The following PLCB1 variants were observed in gnomAD, a reference collection of about 807,000 sequenced individuals.
PLCB1 encodes 1-phosphatidylinositol 4,5-bisphosphate phosphodiesterase beta-1.
PLCB1 carries 46 observed loss-of-function variants against 161.8 expected under a neutral mutation model. The ratio of observed to expected loss-of-function variants is 0.28; its 90% CI spans 0.22 to 0.36. The LOEUF is 0.36. PLCB1 is among the 10% of genes least tolerant of loss of function. The pLI is 1.00. For missense variants in PLCB1, 1,016 were observed against 1,472.5 expected, an observed-to-expected ratio of 0.69 and a Z score of 5.07; for synonymous variants, 517 against 503.7, an observed-to-expected ratio of 1.03 and a Z score of -0.35.
rs112357082 is a variant in PLCB1 at position 8,169,705 on chromosome 20, C to T, written c.177+19334C>T. Among the ~76,000 whole-genome samples, 1,463 of 152,266 alleles carry T rather than the reference C, an allele frequency of 9.6e-3. 13 individuals are homozygous for T. Among genetic ancestry groups the T allele is most frequent in the Non-Finnish European group, 0.015 (1,005 of 68,012 alleles). ...AACTATCTAAGAGTTAGTAGATCCACTCAGACTCCCAGGAACTTGGAGTGC... is the reference window on the plus strand; with the variant it reads ...AACTATCTAAGAGTTAGTAGATCCATTCAGACTCCCAGGAACTTGGAGTGC... On this transcript the variant is annotated intron_variant, in intron 2 of 31. Coordinates refer to ENST00000338037, the MANE Select transcript of PLCB1 (RefSeq NM_015192.4).
intron 3 of PLCB1, among the ~76,000 whole-genome samples, chr20:8,607,542 C>G (rs868336423): frequency 6.6e-6 from 1 of 152,186 alleles, no homozygotes; most frequent in African/African-American, 2.4e-5. Context: ...GTTCCCACCC[C>G]AAGGTATCAG....
chr20:8,664,277 A>G (rs1330222037), intron 9 of PLCB1, among the ~76,000 whole-genome samples: 1 of 152,176 alleles, frequency 6.6e-6, no homozygotes, highest in Non-Finnish European at 1.5e-5. Context: ...ATGAAGCTCT[A>G]TAATCCCTTT....
In PLCB1 at chr20:8,729,117, C is replaced by T. The variant is rs1980094549; in HGVS notation, c.1831C>T (p.Pro611Ser). The change falls in exon 18 of 32, where the codon CCT (proline) becomes TCT (serine). Residue 611 changes from proline to serine, a missense_variant. Coordinates refer to ENST00000338037, the MANE Select transcript of PLCB1 (RefSeq NM_015192.4). ...ACGTGTGGATTCATCCAACTATATGCCTCAGCTCTTCTGGAATGCAGGTTG... is the reference window on the plus strand; with the variant it reads ...ACGTGTGGATTCATCCAACTATATGTCTCAGCTCTTCTGGAATGCAGGTTG... ...GTRVDSSNYM[P>S]QLFWNAGCQM... is the part of the protein sequence containing the mutation. 6.2e-7 allele frequency: 1 copy of T among 1,612,230 alleles called. No homozygotes were observed. Among genetic ancestry groups the T allele is most frequent in the Non-Finnish European group, 8.5e-7 (1 of 1,178,708 alleles).
intron 3 of PLCB1, among the ~76,000 whole-genome samples, chr20:8,389,592 A>G (rs565858115): frequency 6.6e-6 from 1 of 152,298 alleles, no homozygotes; most frequent in South Asian, 2.1e-4. Context: ...ACGTAAATCC[A>G]ATTTGTTCTA....
At chr20:8,444,658 C>T (rs543016994) in intron 3 of PLCB1, among the ~76,000 whole-genome samples, 1 of 152,318 alleles carries the variant, frequency 6.6e-6, no homozygotes, top group East Asian at 1.9e-4. Flanking sequence ...AGTTTACAGT[C>T]CCACCAACAA....
chr20:8,239,130 G>A (rs539946278), intron 2 of PLCB1, among the ~76,000 whole-genome samples: 1 of 151,974 alleles, frequency 6.6e-6, no homozygotes, highest in East Asian at 1.9e-4. Context: ...ACCGGGATGA[G>A]CCCTGGAAAA....
chr20:8,455,432 C>CTCTTTTT (rs1365729968), intron 3 of PLCB1, among the ~76,000 whole-genome samples: 9 of 74,206 alleles, frequency 1.2e-4, no homozygotes, highest in African/African-American at 5.8e-4. Context: ...TATTCTTCCT[C>CTCTTTTT]TTTTTTTTTT....
intron 9 of PLCB1, among the ~76,000 whole-genome samples, chr20:8,662,383 T>C (rs1264832799): frequency 1.5e-5 from 2 of 130,404 alleles, no homozygotes; most frequent in Non-Finnish European, 3.1e-5. Context: ...TTATGTATAA[T>C]ATATAATTAT....
At chr20:8,459,742 T>G (rs768763718) in intron 3 of PLCB1, among the ~76,000 whole-genome samples, 3 of 152,160 alleles carry the variant, frequency 2.0e-5, no homozygotes, top group African/African-American at 4.8e-5. Context: ...GCCATGACAT[T>G]TTTCCCTTGC....
Position 8,554,173 on chromosome 20 carries a change from A to G in PLCB1, c.247-74121A>G, listed in dbSNP as rs957270585. Among the ~76,000 whole-genome samples, 8 of 152,102 alleles carry G rather than the reference A, an allele frequency of 5.3e-5. No individual in the cohort carries two copies. In the South Asian group the frequency reaches 8.3e-4, roughly 16 times the overall value. The stretch of plus-strand genomic sequence containing the variant: ...AGGGGTGATATAAAATGGTACAACT[A>G]CTTTGGAAAACTCTCTGGCAGTTTC... On this transcript the variant is annotated intron_variant, in intron 3 of 31. Coordinates refer to ENST00000338037, the MANE Select transcript of PLCB1 (RefSeq NM_015192.4).
chr20:8,863,506 A>C lies in PLCB1; in HGVS notation c.3424-18116A>C, dbSNP rs547377126. Among the ~76,000 whole-genome samples the C allele has an allele frequency of 3.9e-4, 60 of 152,196 alleles. 2 individuals are homozygous for C. The South Asian group carries it at 0.012, about 32-fold the overall frequency. On this transcript the variant is annotated intron_variant, in intron 31 of 31. Transcript: ENST00000338037. ...ATAAAACACAGATGACTGGGCTCCC[A>C]CCCCCAAAGCTTCCGACTTAGTAAG... is the stretch of plus-strand genomic sequence containing the variant.
At chr20:8,746,343 T>G (rs1387842548) in intron 23 of PLCB1, among the ~76,000 whole-genome samples, 3 of 152,188 alleles carry the variant, frequency 2.0e-5, no homozygotes, top group African/African-American at 7.2e-5. Flanking sequence ...TTAAAATACC[T>G]ATAAAAGGAA....
In PLCB1 at chr20:8,645,079, C is replaced by A. The variant is rs559866423; in HGVS notation, c.385-1023C>A. The stretch of plus-strand genomic sequence containing the variant: ...CACTCAGGGTTAAATGGATTAAGGG[C>A]GGTGCAAGATGTGCTTTGTTAAACA... On this transcript the variant is annotated intron_variant, in intron 4 of 31. Transcript: ENST00000338037. Among the ~76,000 whole-genome samples, 345 of 152,022 alleles carry A rather than the reference C, an allele frequency of 2.3e-3. 2 individuals carry two copies. Among genetic ancestry groups the A allele is most frequent in the Middle Eastern group, 0.014 (4 of 294 alleles).
At chr20:8,321,532 G>C (rs1230861333) in intron 2 of PLCB1, among the ~76,000 whole-genome samples, 1 of 152,112 alleles carries the variant, frequency 6.6e-6, no homozygotes, top group African/African-American at 2.4e-5. Flanking sequence ...GAGTGATATG[G>C]GTCCTGGGAT....
chr20:8,193,795 T>TTAAAA (rs11473641), intron 2 of PLCB1, among the ~76,000 whole-genome samples: 4,117 of 152,112 alleles, frequency 0.027, 195 homozygotes, highest in African/African-American at 0.091. Flanking sequence ...CCCTGTAGAC[T>TTAAAA]TAATGTTTCC....
chr20:8,834,869 A>G (rs1489587390), intron 31 of PLCB1, among the ~76,000 whole-genome samples: 1 of 150,702 alleles, frequency 6.6e-6, no homozygotes, highest in African/African-American at 2.4e-5. Context: ...AAAAGAACCA[A>G]TGTCTTAGTT....
chr20:8,721,603 T>C (rs1979636280), intron 14 of PLCB1, among the ~76,000 whole-genome samples: 1 of 152,216 alleles, frequency 6.6e-6, no homozygotes, highest in Admixed American at 6.5e-5. Flanking sequence ...TGGAGTTAGA[T>C]TTCCAATCAT....
At chr20:8,384,991 G>T (rs1987380529) in intron 3 of PLCB1, among the ~76,000 whole-genome samples, 1 of 152,166 alleles carries the variant, frequency 6.6e-6, no homozygotes, top group Admixed American at 6.5e-5. Flanking sequence ...CACGTTGGAG[G>T]GTCTTACCCA....
chr20:8,396,496 C>T (rs925806773), intron 3 of PLCB1, among the ~76,000 whole-genome samples: 9 of 152,044 alleles, frequency 5.9e-5, no homozygotes, highest in Admixed American at 2.6e-4. Context: ...AAGAGAAAAA[C>T]CAATTATTTT....
Sources: gnomAD v4.1 joint callset for allele counts (sites outside exome capture counted in the v4.1 genomes callset) on GRCh38, gnomAD v4.1.1 for gene constraint, MANE v1.5 for transcripts, NCBI Gene and HGNC (gene_info 2026-07-23, HGNC 2026-07-21) for gene names.